The following MYT1L variants were observed in gnomAD, a reference collection of about 807,000 sequenced individuals.
MYT1L encodes myelin transcription factor 1-like protein.
MYT1L carries 12 observed loss-of-function variants against 126.7 expected under a neutral mutation model. The observed-to-expected ratio is 0.09, with a 90% CI of 0.06 to 0.15. The LOEUF is 0.15. Among genes scored for constraint, MYT1L ranks in the 10% least tolerant of loss-of-function variants. MYT1L has a pLI of 1.00. For synonymous variants in MYT1L, 541 were observed against 604.2 expected, an observed-to-expected ratio of 0.90 and a Z score of 1.53; for missense variants, 979 against 1,585.2, an observed-to-expected ratio of 0.62 and a Z score of 6.49.
At chr2:1,874,218 T>C (rs1573090378) in intron 18 of MYT1L, among the ~76,000 whole-genome samples, 1 of 151,666 alleles carries the variant, frequency 6.6e-6, no homozygotes, top group Non-Finnish European at 1.5e-5. Flanking sequence ...AAGATGAATT[T>C]TAAATGTAGG....
At chr2:2,248,942 C>A (rs2094584554) in intron 2 of MYT1L, among the ~76,000 whole-genome samples, 1 of 152,046 alleles carries the variant, frequency 6.6e-6, no homozygotes, top group South Asian at 2.1e-4. Flanking sequence ...AAAGACTTTT[C>A]TCTTAGATCT....
In MYT1L at chr2:2,139,446, C is replaced by A. The variant is rs555052688; in HGVS notation, c.-304+33426G>T. Among the ~76,000 whole-genome samples the A allele has an allele frequency of 1.1e-3, 173 of 151,582 alleles. 1 individual carries two copies. The highest frequency in any genetic ancestry group is 3.6e-3 in the African/African-American group (147 of 41,242). On this transcript the variant is annotated intron_variant, in intron 3 of 24. Coordinates refer to ENST00000647738, the MANE Select transcript of MYT1L (RefSeq NM_001303052.2). ...ACTAGCCTGGCCAACATGATGAAACCCTGTTTCTACTAAAAAAAAAATATA... is the reference window on the plus strand; with the variant it reads ...ACTAGCCTGGCCAACATGATGAAACACTGTTTCTACTAAAAAAAAAATATA...
intron 1 of MYT1L, among the ~76,000 whole-genome samples, chr2:2,322,694 C>T (rs1464194744): frequency 6.6e-6 from 1 of 151,872 alleles, no homozygotes; most frequent in Non-Finnish European, 1.5e-5. Flanking sequence ...CATAGAAATG[C>T]ACAAGGTGAG....
At chr2:2,078,182 T>A (rs2075420654) in intron 3 of MYT1L, among the ~76,000 whole-genome samples, 1 of 151,738 alleles carries the variant, frequency 6.6e-6, no homozygotes, top group Non-Finnish European at 1.5e-5. Context: ...GAGAGAAAAA[T>A]TAAAATTATT....
intron 2 of MYT1L, among the ~76,000 whole-genome samples, chr2:2,231,682 G>A (rs558917916): frequency 6.6e-6 from 1 of 151,942 alleles, no homozygotes; most frequent in African/African-American, 2.4e-5. Flanking sequence ...TCCTGAGCTC[G>A]AGCAATCCAC....
Position 1,917,453 on chromosome 2 carries a change from G to A in MYT1L, c.1484-114C>T. The A allele has an allele frequency of 7.6e-7, 1 of 1,308,632 alleles. No homozygotes were observed. Among genetic ancestry groups the A allele is most frequent in the Non-Finnish European group, 1.1e-6 (1 of 951,694 alleles). 81.1% of individuals were successfully genotyped at this position (1,308,632 alleles called of 1,614,324 possible). ...AGAAAGAAATAAAGCAGGTGTCGGG[G>A]GCTAGGCTGTGACATCAGACTTTTG... On this transcript the variant is annotated intron_variant, in intron 10 of 24. Transcript: ENST00000647738. The surrounding 1 kb of genome is among the most constrained non-coding windows in gnomAD (Gnocchi z 5.9).
chr2:2,003,862 C>CA (rs760902887), intron 4 of MYT1L, among the ~76,000 whole-genome samples: 1 of 152,260 alleles, frequency 6.6e-6, no homozygotes, highest in Admixed American at 6.5e-5. Flanking sequence ...TCCACTCCCT[C>CA]AGTGCACCAT....
At chr2:1,898,553 AGAGG>A (rs1332964867) in intron 14 of MYT1L, among the ~76,000 whole-genome samples, 1 of 152,146 alleles carries the variant, frequency 6.6e-6, no homozygotes, top group Non-Finnish European at 1.5e-5. Context: ...CCCTGGCCCT[AGAGG>A]GTGGAGCGAA....
chr2:1,966,180 C>T (rs2059338619), intron 8 of MYT1L, among the ~76,000 whole-genome samples: 1 of 152,232 alleles, frequency 6.6e-6, no homozygotes, highest in South Asian at 2.1e-4. Flanking sequence ...AAAAACCATG[C>T]CCAGGATTAG....
chr2:2,063,444 G>A (rs1194012211), intron 3 of MYT1L, among the ~76,000 whole-genome samples: 1 of 152,254 alleles, frequency 6.6e-6, no homozygotes, highest in South Asian at 2.1e-4. Context: ...CCTGTCGGGG[G>A]TCTTTGTGTG....
chr2:2,034,318 A>T (rs1421959267), intron 4 of MYT1L, among the ~76,000 whole-genome samples: 4 of 149,416 alleles, frequency 2.7e-5, no homozygotes, highest in Admixed American at 1.3e-4. Flanking sequence ...ATGCGGGTGC[A>T]GAAGAGAGCT....
intron 5 of MYT1L, among the ~76,000 whole-genome samples, chr2:1,986,471 G>A (rs867268802): frequency 1.2e-4 from 19 of 152,166 alleles, no homozygotes; most frequent in African/African-American, 4.3e-4. Context: ...TGTTTGAGCC[G>A]GGAAGCTAAT....
At chr2:2,294,756 T>A (rs1427905713) in intron 1 of MYT1L, among the ~76,000 whole-genome samples, 1 of 152,154 alleles carries the variant, frequency 6.6e-6, no homozygotes, top group Admixed American at 6.5e-5. Context: ...CATTTCACCA[T>A]TTACCTTGTA....
At chr2:2,208,956 T>A (rs1467105606) in intron 2 of MYT1L, among the ~76,000 whole-genome samples, 1 of 151,596 alleles carries the variant, frequency 6.6e-6, no homozygotes, top group Non-Finnish European at 1.5e-5. Flanking sequence ...CCATCATTTT[T>A]CAAATGTCAT....
At chr2:1,915,396 C>G (rs966187732) in intron 11 of MYT1L, among the ~76,000 whole-genome samples, 1 of 152,148 alleles carries the variant, frequency 6.6e-6, no homozygotes, top group Non-Finnish European at 1.5e-5. Flanking sequence ...CTGGGAGGCA[C>G]CTGCAGCCGG....
At chr2:1,977,479 A>ACACCTCAT (rs2060272275) in intron 8 of MYT1L, among the ~76,000 whole-genome samples, 1 of 152,228 alleles carries the variant, frequency 6.6e-6, no homozygotes, top group South Asian at 2.1e-4. Flanking sequence ...TATCTAGCTC[A>ACACCTCAT]CACCTCATTA....
intron 3 of MYT1L, among the ~76,000 whole-genome samples, chr2:2,119,387 A>G (rs1484022510): frequency 6.6e-6 from 1 of 152,208 alleles, no homozygotes; most frequent in Non-Finnish European, 1.5e-5. Context: ...TAAATATCTC[A>G]TCTTATTTGG....
chr2:1,894,924 G>A (rs540495253), intron 14 of MYT1L, among the ~76,000 whole-genome samples: 1 of 152,342 alleles, frequency 6.6e-6, no homozygotes, highest in East Asian at 1.9e-4. Context: ...GCTACCACAT[G>A]CCTGCTTCAC....
At chr2:2,247,682 T>C (rs1476564176) in intron 2 of MYT1L, among the ~76,000 whole-genome samples, 1 of 152,208 alleles carries the variant, frequency 6.6e-6, no homozygotes, top group Non-Finnish European at 1.5e-5. Context: ...AAGCATCTTC[T>C]CTGATCACAA....
Sources: allele counts gnomAD v4.1 joint callset (sites outside exome capture counted in the v4.1 genomes callset), GRCh38; gene constraint gnomAD v4.1.1; non-coding constraint Gnocchi (gnomAD v3.1); transcripts MANE v1.5; gene names NCBI Gene and HGNC (gene_info 2026-07-23, HGNC 2026-07-21).